MOGAT1: variants seen among roughly 807,000 people sequenced by gnomAD.
MOGAT1 encodes the protein 2-acylglycerol O-acyltransferase 1.
A neutral mutation model predicts 31.4 loss-of-function variants in MOGAT1; 32 were observed. The ratio of observed to expected loss-of-function variants is 1.02; its 90% CI spans 0.77 to 1.37. The LOEUF is 1.37. Ranked by LOEUF, MOGAT1 falls within the 40% of genes most tolerant of loss-of-function variation. The pLI is 0.00. For missense variants in MOGAT1, 426 were observed against 402.0 expected (o/e 1.06, Z -0.51); for synonymous variants, 145 against 144.5 (o/e 1.00, Z -0.03).
chr2:222,681,196 G>A (rs1692575583), intron 1 of MOGAT1, among the ~76,000 whole-genome samples: 1 of 152,162 alleles, frequency 6.6e-6, no homozygotes, highest in South Asian at 2.1e-4. Flanking sequence ...CAGTTCTGAT[G>A]CTGTCTACCT....
intron 5 of MOGAT1, among the ~76,000 whole-genome samples, chr2:222,699,702 G>A (rs1311957090): frequency 6.6e-6 from 1 of 151,780 alleles, no homozygotes; most frequent in Non-Finnish European, 1.5e-5. Context: ...GTTTCACTGT[G>A]TTAGCCAGGA....
chr2:222,703,279 A>G (rs1692954802), intron 5 of MOGAT1, among the ~76,000 whole-genome samples: 1 of 152,236 alleles, frequency 6.6e-6, no homozygotes, highest in African/African-American at 2.4e-5. Flanking sequence ...CTCTGGTGAT[A>G]ACGTTCCTTC....
At chr2:222,682,500 G>A (rs1028004782) in intron 1 of MOGAT1, among the ~76,000 whole-genome samples, 2 of 152,194 alleles carry the variant, frequency 1.3e-5, no homozygotes, top group Admixed American at 1.3e-4. Context: ...GTGATGGAAT[G>A]TATTTCCCAT....
chr2:222,679,687 T>C (rs899118527), intron 1 of MOGAT1, among the ~76,000 whole-genome samples: 2 of 152,238 alleles, frequency 1.3e-5, no homozygotes, highest in Admixed American at 1.3e-4. Flanking sequence ...TTGTATTTAG[T>C]TGTGTTAAAC....
At chr2:222,690,025 C>T (rs1692733758) in intron 3 of MOGAT1, among the ~76,000 whole-genome samples, 1 of 151,962 alleles carries the variant, frequency 6.6e-6, no homozygotes, top group Non-Finnish European at 1.5e-5. Context: ...GAGACTGAGG[C>T]GGGCAGATCT....
intron 5 of MOGAT1, among the ~76,000 whole-genome samples, chr2:222,701,274 AAG>A (rs1199244447): frequency 9.1e-5 from 11 of 121,066 alleles, no homozygotes; most frequent in African/African-American, 2.9e-4. Flanking sequence ...AAGAGAGAAA[AAG>A]AGAGAGAGAG....
intron 5 of MOGAT1, among the ~76,000 whole-genome samples, chr2:222,697,152 G>T (rs925977055): frequency 1.3e-5 from 2 of 152,180 alleles, no homozygotes; most frequent in Non-Finnish European, 2.9e-5. Context: ...ACTAATAGCA[G>T]AATTACTAAA....
At position 222,672,889 on chromosome 2, in the gene MOGAT1, T is replaced by TTTTTTA. The variant is rs139797469; in HGVS notation, c.94+1012_94+1013insTTTATT. Among the ~76,000 whole-genome samples the TTTTTTA allele has an allele frequency of 8.6e-3, 1,193 of 139,206 alleles. 18 individuals carry two copies. Among genetic ancestry groups the TTTTTTA allele is most frequent in the African/African-American group, 0.029 (1,093 of 37,152 alleles). 91.3% of individuals were successfully genotyped at this position (139,206 alleles called of 152,430 possible). On this transcript the variant is annotated intron_variant, in intron 1 of 5. Coordinates refer to ENST00000446656, the MANE Select transcript of MOGAT1 (RefSeq NM_058165.3). ...TGCCCAGGCTCCATCCTGGAATTTG[T>TTTTTTA]TTATTATTATTATTATTATTATTAT...
At chr2:222,688,616 G>C (rs568302356) in intron 2 of MOGAT1, 94 bp downstream of exon 2, 1 of 875,834 alleles carries the variant, frequency 1.1e-6, no homozygotes, top group African/African-American at 1.7e-5. Context: ...TTTTTCAGAG[G>C]GGATGTCTTA....
intron 1 of MOGAT1, chr2:222,677,930 C>A: frequency 3.7e-6 from 1 of 271,918 alleles, no homozygotes; most frequent in South Asian, 5.1e-5. Context: ...ATTGGAAACT[C>A]ATCATAATCC....
chr2:222,688,304 C>G (rs1391149276), intron 1 of MOGAT1, 40 bp from the exon 2 acceptor site: 4 of 1,546,958 alleles, frequency 2.6e-6, no homozygotes, highest in Non-Finnish European at 3.5e-6. Context: ...TGAGCAGATA[C>G]TAACAGACTG....
At chr2:222,693,411 A>G (rs1425337591) in intron 3 of MOGAT1, among the ~76,000 whole-genome samples, 1 of 151,424 alleles carries the variant, frequency 6.6e-6, no homozygotes, top group Non-Finnish European at 1.5e-5. Context: ...GGAAACATGT[A>G]GAGATCTGGC....
Position 222,709,910 on chromosome 2 carries a change from T to TA in MOGAT1, c.*26dup, listed in dbSNP as rs1559236233. 3.3e-6 allele frequency: 5 copies of TA among 1,518,136 alleles called. No homozygotes were observed. Among genetic ancestry groups the TA allele is most frequent in the Non-Finnish European group, 4.4e-6 (5 of 1,127,048 alleles). 94.0% of individuals were successfully genotyped at this position (1,518,136 alleles called of 1,614,324 possible). A position where few individuals can be genotyped will look rare whatever the true frequency, so the allele number is the denominator to read the frequency against. On this transcript the variant is annotated 3_prime_UTR_variant, in exon 6 of 6. Transcript: ENST00000446656. ...AAATGACTTGACTATAAAAAAAAAT[T>TA]AAAAAATAAAAATAAATGACTTGGC...
intron 5 of MOGAT1, among the ~76,000 whole-genome samples, chr2:222,700,725 T>C (rs1210406252): frequency 2.0e-5 from 3 of 152,090 alleles, no homozygotes; most frequent in African/African-American, 7.2e-5. Flanking sequence ...TACAATTCCA[T>C]AAAAAAAGTA....
chr2:222,697,595 T>C (rs1056656142), intron 5 of MOGAT1, among the ~76,000 whole-genome samples: 10 of 148,800 alleles, frequency 6.7e-5, no homozygotes, highest in African/African-American at 2.5e-4. Flanking sequence ...TTTTTTTTTT[T>C]TTTTGAGATG....
At position 222,695,235 on chromosome 2, in the gene MOGAT1, T is replaced by C; in HGVS notation, c.800T>C (p.Val267Ala). The change falls in exon 5 of 6, where the codon GTT becomes GCT. Residue 267 changes from valine to alanine, a missense_variant. Coordinates refer to ENST00000446656, the MANE Select transcript of MOGAT1 (RefSeq NM_058165.3). ...TTGCCCCTGTTTCATGCCAGGGGAG[T>C]TTTTCAGTACAATTTTGGCCTAATG... ...FALPLFHARG[V>A]FQYNFGLMTY... 1 of 1,612,624 alleles carries C rather than the reference T, an allele frequency of 6.2e-7. No individual in the cohort carries two copies. Among genetic ancestry groups the C allele is most frequent in the African/African-American group, 1.3e-5 (1 of 74,778 alleles).
chr2:222,684,338 G>A (rs61296453), intron 1 of MOGAT1, among the ~76,000 whole-genome samples: 22,517 of 151,774 alleles, frequency 0.15, 1,876 homozygotes, highest in East Asian at 0.31. Flanking sequence ...CCCAAGAGGC[G>A]GAGGTTGCAG....
At chr2:222,691,195 T>TA (rs1358499416) in intron 3 of MOGAT1, among the ~76,000 whole-genome samples, 13 of 150,892 alleles carry the variant, frequency 8.6e-5, no homozygotes, top group African/African-American at 3.2e-4. Flanking sequence ...TTTATTTATT[T>TA]TTTATTTTAT....
At chr2:222,693,949 TG>T (rs1692803466) in intron 3 of MOGAT1, among the ~76,000 whole-genome samples, 1 of 152,226 alleles carries the variant, frequency 6.6e-6, no homozygotes, top group African/African-American at 2.4e-5. Flanking sequence ...ATATACTTTT[TG>T]GTTCTGTGTA....
Sources: allele counts gnomAD v4.1 joint callset (sites outside exome capture counted in the v4.1 genomes callset), GRCh38; gene constraint gnomAD v4.1.1; transcripts MANE v1.5; gene names NCBI Gene and HGNC (gene_info 2026-07-23, HGNC 2026-07-21).